Variants in DSCAML1 observed in about 807,000 individuals in gnomAD.
The protein encoded by DSCAML1 is cell adhesion molecule DSCAML1.
A neutral mutation model predicts 200.5 loss-of-function variants in DSCAML1; 38 were observed. That is an observed-to-expected ratio of 0.19 (90% confidence interval 0.15 to 0.25). DSCAML1 has a LOEUF of 0.25. Among genes scored for constraint, DSCAML1 ranks in the 10% least tolerant of loss-of-function variants. The pLI, the probability that DSCAML1 is intolerant of heterozygous loss-of-function variation, is 1.00. For missense variants in DSCAML1, 2,223 were observed against 2,858.8 expected (o/e 0.78, Z 5.07); for synonymous variants, 1,215 against 1,165.0 (o/e 1.04, Z -0.87).
chr11:117,637,337 C>T (rs1488907409), intron 3 of DSCAML1, among the ~76,000 whole-genome samples: 2 of 151,356 alleles, frequency 1.3e-5, no homozygotes, highest in Admixed American at 6.6e-5. Flanking sequence ...ATAGTAGGTG[C>T]TCAATAATTT....
Position 117,741,353 on chromosome 11 carries a change from T to G in DSCAML1, c.511+35438A>C, listed in dbSNP as rs1030577392. Among the ~76,000 whole-genome samples, 8 of 152,232 alleles carry G rather than the reference T, an allele frequency of 5.3e-5. 1 individual carries two copies. Among genetic ancestry groups the G allele is most frequent in the Admixed American group, 4.6e-4 (7 of 15,286 alleles). On this transcript the variant is annotated intron_variant, in intron 3 of 32. Transcript: ENST00000651296. ...TCTTCTGCCATCTCTCTCTGAATGG[T>G]GATGATAAGTGCAATCTTGAGAGCC...
chr11:117,755,611 A>G (rs2054675394), intron 3 of DSCAML1, among the ~76,000 whole-genome samples: 1 of 152,208 alleles, frequency 6.6e-6, no homozygotes, highest in Non-Finnish European at 1.5e-5. Flanking sequence ...CTACAATCAA[A>G]TTACAGAGTC....
intron 26 of DSCAML1, among the ~76,000 whole-genome samples, chr11:117,436,781 A>G: frequency 6.6e-6 from 1 of 152,142 alleles, no homozygotes; most frequent in Non-Finnish European, 1.5e-5. Context: ...AAGTTCTTAG[A>G]GGTCAGGACC....
chr11:117,474,195 G>T (rs1263632386), intron 14 of DSCAML1, among the ~76,000 whole-genome samples: 1 of 152,172 alleles, frequency 6.6e-6, no homozygotes, highest in Admixed American at 6.5e-5. Context: ...CTCCACAGCA[G>T]AGGTGACCTT....
At chr11:117,474,970 T>C (rs1478547694) in intron 14 of DSCAML1, among the ~76,000 whole-genome samples, 1 of 152,120 alleles carries the variant, frequency 6.6e-6, no homozygotes, top group Non-Finnish European at 1.5e-5. Context: ...TTAGCCAGGA[T>C]GGTCTCGATC....
chr11:117,445,642 G>A (rs577503537), intron 20 of DSCAML1, among the ~76,000 whole-genome samples: 2 of 152,288 alleles, frequency 1.3e-5, no homozygotes, highest in South Asian at 2.1e-4. Flanking sequence ...ATTCTTCTCC[G>A]GGCTTGTTTT....
chr11:117,432,600 G>GT (rs2047824380), intron 29 of DSCAML1, 96 bp from the exon 30 acceptor site: 22 of 1,384,360 alleles, frequency 1.6e-5, no homozygotes, highest in Middle Eastern at 3.8e-4. Flanking sequence ...TATCCAATGT[G>GT]TTTTTTGTTT....
chr11:117,430,831 G>T lies in DSCAML1; in HGVS notation c.5577C>A (p.Ser1859Arg). The T allele has an allele frequency of 1.2e-6, 2 of 1,614,172 alleles. No homozygotes were observed. Among genetic ancestry groups the T allele is most frequent in the Non-Finnish European group, 1.7e-6 (2 of 1,180,032 alleles). ...GGCAGATGCCAGGCTCTGAGGGTGT[G>T]CTCATGGATGTCATGCTGTCGGCGT... ...NENADSMTSM[S>R]TPSEPGICRF... The change falls in exon 32 of 33, where the codon AGC becomes AGA. Residue 1859 changes from serine to arginine, a missense_variant. By Grantham distance (110) the Ser-to-Arg change is moderately radical. This residue lies in a region of DSCAML1 where 96 missense variants were observed against 160.7 expected (regional missense o/e 0.60). Transcript: ENST00000651296.
At chr11:117,757,849 G>T (rs2054723497) in intron 3 of DSCAML1, among the ~76,000 whole-genome samples, 1 of 152,114 alleles carries the variant, frequency 6.6e-6, no homozygotes, top group Admixed American at 6.6e-5. Flanking sequence ...AATTAGCCAG[G>T]TGTGGTGGTG....
At chr11:117,696,934 C>A (rs2053595918) in intron 3 of DSCAML1, among the ~76,000 whole-genome samples, 1 of 152,214 alleles carries the variant, frequency 6.6e-6, no homozygotes, top group Admixed American at 6.5e-5. Flanking sequence ...GGCATTTAAG[C>A]AGCCTGAAAA....
chr11:117,533,044 G>A (rs1429652868), intron 3 of DSCAML1, among the ~76,000 whole-genome samples: 2 of 152,094 alleles, frequency 1.3e-5, no homozygotes, highest in African/African-American at 4.8e-5. Context: ...GGAGGCTGAG[G>A]CAGGAGGATT....
chr11:117,470,121 T>C (rs1435915408), intron 15 of DSCAML1, 141 bp from the exon 16 acceptor site: 2 of 615,812 alleles, frequency 3.2e-6, no homozygotes, highest in East Asian at 6.1e-5. Context: ...CAGAGAACTT[T>C]TGTTTGAGTT....
At chr11:117,650,644 C>T (rs139943776) in intron 3 of DSCAML1, among the ~76,000 whole-genome samples, 56 of 149,848 alleles carry the variant, frequency 3.7e-4, no homozygotes, top group African/African-American at 1.2e-3. Context: ...CTGAGTCATT[C>T]TGTTTAAAGT....
At position 117,505,446 on chromosome 11, in the gene DSCAML1, C is replaced by T. The variant is rs2049475717; in HGVS notation, c.2062+8G>A. ...TCCCTCCCCTGAGGCTGGCCTGTCC[C>T]TGCTCACCACGCACGATGAGCTGGC... is the stretch of plus-strand genomic sequence containing the variant. On this transcript the variant is annotated splice_region_variant and intron_variant, in intron 9 of 32. Transcript: ENST00000651296. This position sits in a 1 kb window ranked among gnomAD's most constrained non-coding sequence, Gnocchi z 6.7. 1.2e-6 allele frequency: 2 copies of T among 1,607,538 alleles called. No homozygotes were observed. Among genetic ancestry groups the T allele is most frequent in the African/African-American group, 1.3e-5 (1 of 75,034 alleles).
At chr11:117,475,677 G>A (rs1258421478) in intron 14 of DSCAML1, among the ~76,000 whole-genome samples, 1 of 152,204 alleles carries the variant, frequency 6.6e-6, no homozygotes, top group Non-Finnish European at 1.5e-5. Flanking sequence ...CTTGGGACTT[G>A]AAGTTCCTCT....
At chr11:117,523,907 C>G (rs2049926482) in intron 5 of DSCAML1, among the ~76,000 whole-genome samples, 1 of 152,182 alleles carries the variant, frequency 6.6e-6, no homozygotes, top group Non-Finnish European at 1.5e-5. Context: ...TCAAGGGTGT[C>G]CAGATCCCAG....
intron 3 of DSCAML1, among the ~76,000 whole-genome samples, chr11:117,660,794 T>C (rs1236175158): frequency 6.6e-6 from 1 of 152,114 alleles, no homozygotes; most frequent in East Asian, 1.9e-4. Flanking sequence ...GATGCAGGAA[T>C]GGGTGTCCTC....
chr11:117,552,355 T>C (rs778754392), intron 3 of DSCAML1, among the ~76,000 whole-genome samples: 17 of 152,188 alleles, frequency 1.1e-4, no homozygotes, highest in Non-Finnish European at 1.9e-4. Context: ...ACACAGACAC[T>C]GAAAAACCAA....
At position 117,438,031 on chromosome 11, in the gene DSCAML1, G is replaced by A; in HGVS notation, c.4296C>T (p.Phe1432=). 6.2e-7 allele frequency: 1 copy of A among 1,614,074 alleles called. No individual in the cohort carries two copies. The highest frequency in any genetic ancestry group is 8.5e-7 in the Non-Finnish European group (1 of 1,179,994). The change falls in exon 25 of 33, where the codon TTC becomes TTT. Residue 1432 remains phenylalanine (F), a synonymous_variant. Coordinates refer to ENST00000651296, the MANE Select transcript of DSCAML1 (RefSeq NM_020693.4). ...TGAAGGAGCGCTCGCTGGAGCTGAT[G>A]AACACATCCTTCCACTCCTCGCTGT... ...VDNSEEWKDV[F]ISSSERSFKL...
Sources: allele counts gnomAD v4.1 joint callset (sites outside exome capture counted in the v4.1 genomes callset), GRCh38; gene constraint gnomAD v4.1.1; regional missense constraint gnomAD v4.1.1; non-coding constraint Gnocchi (gnomAD v3.1); transcripts MANE v1.5; gene names NCBI Gene and HGNC (gene_info 2026-07-23, HGNC 2026-07-21).